Variants in ME3 observed in about 807,000 individuals in gnomAD.
ME3 encodes the protein malic enzyme 3, also known as NADP-dependent malic enzyme, mitochondrial.
In ME3, 48 loss-of-function variants were observed where a neutral mutation model predicts 68.9. The ratio of observed to expected loss-of-function variants is 0.70; its 90% CI spans 0.55 to 0.89. The LOEUF is 0.89. Among genes scored for constraint, ME3 ranks in the 40% least tolerant of loss-of-function variants. The probability of loss-of-function intolerance (pLI) is 0.00; values close to 1 mark genes in which losing one functional copy is unlikely to be tolerated. For synonymous variants in ME3, 320 were observed against 318.8 expected (o/e 1.00, Z -0.04); for missense variants, 675 against 797.4 (o/e 0.85, Z 1.85).
intron 2 of ME3, among the ~76,000 whole-genome samples, chr11:86,670,288 A>G (rs73514390): frequency 4.3e-4 from 65 of 152,364 alleles, no homozygotes; most frequent in African/African-American, 1.4e-3. Context: ...GACTGTGGCA[A>G]TAACGAAGTG....
chr11:86,564,169 G>A (rs1957366861), intron 2 of ME3, among the ~76,000 whole-genome samples: 1 of 151,946 alleles, frequency 6.6e-6, no homozygotes. Flanking sequence ...CTTTTCCTTG[G>A]TTAGCTGTAT....
At chr11:86,553,554 G>A (rs576622345) in intron 4 of ME3, among the ~76,000 whole-genome samples, 11 of 152,176 alleles carry the variant, frequency 7.2e-5, no homozygotes, top group Non-Finnish European at 1.5e-4. Context: ...GCAGCCAAAT[G>A]GAAACCTAGA....
intron 9 of ME3, 53 bp from the exon 10 acceptor site, chr11:86,450,055 C>T (rs1949545143): frequency 1.5e-6 from 2 of 1,379,130 alleles, no homozygotes; most frequent in East Asian, 4.6e-5. Flanking sequence ...AGCTGCTGAA[C>T]ATTTATCTGA....
intron 2 of ME3, among the ~76,000 whole-genome samples, chr11:86,623,222 G>A (rs1943455769): frequency 6.6e-6 from 1 of 152,238 alleles, no homozygotes; most frequent in African/African-American, 2.4e-5. Flanking sequence ...AAAGGCAGAG[G>A]AAGGGTGCAT....
intron 13 of ME3, among the ~76,000 whole-genome samples, chr11:86,444,725 T>C (rs887445156): frequency 6.6e-6 from 1 of 152,050 alleles, no homozygotes; most frequent in East Asian, 1.9e-4. Context: ...TTTTACAGAG[T>C]TGTTACAATG....
At chr11:86,599,500 G>T (rs974434274) in intron 2 of ME3, among the ~76,000 whole-genome samples, 4 of 152,230 alleles carry the variant, frequency 2.6e-5, no homozygotes, top group Admixed American at 1.3e-4. Flanking sequence ...GTGACGGGGA[G>T]AATGGAAACA....
intron 2 of ME3, 114 bp from the exon 3 acceptor site, chr11:86,559,937 C>T (rs1486116112): frequency 3.5e-6 from 4 of 1,140,502 alleles, no homozygotes; most frequent in Non-Finnish European, 4.7e-6. Flanking sequence ...GTAGAAAGGG[C>T]CCTCAACTCA....
At chr11:86,505,024 G>A (rs1952979077) in intron 5 of ME3, among the ~76,000 whole-genome samples, 2 of 152,146 alleles carry the variant, frequency 1.3e-5, no homozygotes, top group African/African-American at 2.4e-5. Flanking sequence ...CCCACACTGG[G>A]GGTTTCAGAA....
rs117522755 is a variant in ME3, at chr11:86,514,625, G to A, written c.468-5758C>T. 1.2e-4 allele frequency among the ~76,000 whole-genome samples: 19 copies of A among 152,312 alleles called. No individual in the cohort carries two copies. In the East Asian group the frequency reaches 3.1e-3, roughly 25 times the overall value. The stretch of plus-strand genomic sequence containing the variant: ...GTATGTGCTTTGCAAATGCAGGCTC[G>A]AAACCCAGCTCTATTACTTCCTAGC... On this transcript the variant is annotated intron_variant, in intron 4 of 14. Coordinates refer to ENST00000543262, the Ensembl canonical transcript of ME3.
At chr11:86,520,213 G>A (rs1954171984) in intron 4 of ME3, among the ~76,000 whole-genome samples, 1 of 152,254 alleles carries the variant, frequency 6.6e-6, no homozygotes. Flanking sequence ...TAGAGCCCAG[G>A]TGTAAAGGTG....
rs372605475 is a variant in ME3 at position 86,468,963 on chromosome 11, C to T, written c.810-3763G>A. On this transcript the variant is annotated intron_variant, in intron 7 of 14. Coordinates refer to ENST00000543262, the Ensembl canonical transcript of ME3. ...AAGTTATTTGCTCACAGGCTATGTA[C>T]TCTATTGCACTTGGTAAGTGGTGGA... Among the ~76,000 whole-genome samples, 76 of 152,246 alleles carry T rather than the reference C, an allele frequency of 5.0e-4. 2 individuals are homozygous for T. The South Asian group carries it at 0.016, about 31-fold the overall frequency.
chr11:86,656,458 T>C (rs1487147411), intron 2 of ME3, among the ~76,000 whole-genome samples: 1 of 151,892 alleles, frequency 6.6e-6, no homozygotes, highest in Non-Finnish European at 1.5e-5. Context: ...GGGACATAGA[T>C]CAAACTGGGA....
chr11:86,460,662 C>T (rs572522728), intron 8 of ME3, among the ~76,000 whole-genome samples: 8 of 152,338 alleles, frequency 5.3e-5, no homozygotes, highest in Admixed American at 3.9e-4. Flanking sequence ...CTGTTTACAA[C>T]TATGATTCTG....
At chr11:86,531,769 T>G (rs1955251669) in intron 4 of ME3, among the ~76,000 whole-genome samples, 1 of 131,112 alleles carries the variant, frequency 7.6e-6, no homozygotes, top group African/African-American at 3.0e-5. Flanking sequence ...AGGTGGGAAT[T>G]GAACAATGAG....
At chr11:86,645,258 G>A (rs1211559611) in intron 2 of ME3, among the ~76,000 whole-genome samples, 2 of 152,126 alleles carry the variant, frequency 1.3e-5, no homozygotes, top group Non-Finnish European at 1.5e-5. Context: ...GGAGCCAAGT[G>A]GTCTAGCTCA....
At chr11:86,650,143 A>G (rs1386427513) in intron 2 of ME3, among the ~76,000 whole-genome samples, 2 of 152,222 alleles carry the variant, frequency 1.3e-5, no homozygotes, top group African/African-American at 2.4e-5. Flanking sequence ...GAGACCTCAG[A>G]AATAATACCA....
chr11:86,574,921 A>G lies in ME3; in HGVS notation c.184-15098T>C, dbSNP rs531151077. Among the ~76,000 whole-genome samples, 4 of 148,812 alleles carry G rather than the reference A, an allele frequency of 2.7e-5. No homozygotes were observed. In the South Asian group the frequency reaches 8.4e-4, roughly 31 times the overall value. ...TTTAAAAAGCCTTCCATGTGAAGGT[A>G]TCTGCAAATTCCAAGGATGTTCACT... On this transcript the variant is annotated intron_variant, in intron 2 of 14. Coordinates refer to ENST00000543262, the Ensembl canonical transcript of ME3.
intron 3 of ME3, among the ~76,000 whole-genome samples, chr11:86,557,246 G>T (rs1319892594): frequency 1.3e-5 from 2 of 152,182 alleles, no homozygotes; most frequent in African/African-American, 2.4e-5. Flanking sequence ...CCTGTCACGA[G>T]TTGTGATTTC....
chr11:86,473,141 G>A (rs1183072580), intron 7 of ME3, among the ~76,000 whole-genome samples: 1 of 152,210 alleles, frequency 6.6e-6, no homozygotes, highest in African/African-American at 2.4e-5. Context: ...CATCCACGGA[G>A]CAGAGAGAGA....
Sources: gnomAD v4.1 joint callset for allele counts (sites outside exome capture counted in the v4.1 genomes callset) on GRCh38, gnomAD v4.1.1 for gene constraint, MANE v1.5 for transcripts, NCBI Gene and HGNC (gene_info 2026-07-23, HGNC 2026-07-21) for gene names.